The following CNTLN variants were observed in gnomAD, a reference collection of about 807,000 sequenced individuals.
CNTLN encodes centlein.
Under a neutral mutation model 180.0 loss-of-function variants are expected in CNTLN, and 212 were observed. The observed-to-expected ratio is 1.18, with a 90% confidence interval of 1.05 to 1.32. The LOEUF (loss-of-function observed/expected upper bound fraction) is 1.32. Among genes scored for constraint, CNTLN ranks in the 40% most tolerant of loss-of-function variants. The pLI, the probability that CNTLN is intolerant of heterozygous loss-of-function variation, is 0.00. For missense variants in CNTLN, 2,095 were observed against 1,610.9 expected, an observed-to-expected ratio of 1.30 and a Z score of -5.14; for synonymous variants, 722 against 563.1, an observed-to-expected ratio of 1.28 and a Z score of -3.99.
chr9:17,342,942 C>T (rs1486874026), intron 12 of CNTLN, among the ~76,000 whole-genome samples: 1 of 152,204 alleles, frequency 6.6e-6, no homozygotes, highest in Non-Finnish European at 1.5e-5. Flanking sequence ...TTACTGGTAG[C>T]AGCAGAACTG....
intron 8 of CNTLN, among the ~76,000 whole-genome samples, chr9:17,315,334 G>A (rs2132980468): frequency 6.6e-6 from 1 of 152,160 alleles, no homozygotes; most frequent in East Asian, 1.9e-4. Context: ...TTTGTATTGA[G>A]AAGGCATGTC....
chr9:17,502,427 T>G, intron 25 of CNTLN, 124 bp from the exon 26 acceptor site: 1 of 505,328 alleles, frequency 2.0e-6, no homozygotes. Flanking sequence ...AGAGATCCAG[T>G]AGGGTACCAT....
chr9:17,329,937 A>G (rs940415687), intron 8 of CNTLN, among the ~76,000 whole-genome samples: 3 of 151,978 alleles, frequency 2.0e-5, no homozygotes, highest in Admixed American at 1.3e-4. Context: ...AATTTGAAAC[A>G]GCGAATTTGC....
downstream of CNTLN, among the ~76,000 whole-genome samples, chr9:17,504,364 C>G (rs117231803): frequency 0.015 from 2,304 of 152,118 alleles, 25 homozygotes; most frequent in Non-Finnish European, 0.023. Flanking sequence ...AATGTAATAC[C>G]TCATTACGAC....
chr9:17,463,096 TA>T (rs1257568287), intron 20 of CNTLN, 83 bp downstream of exon 20: 34 of 745,256 alleles, frequency 4.6e-5, no homozygotes, highest in Non-Finnish European at 7.3e-5. Flanking sequence ...AAGAAACTGC[TA>T]ATGTTTACGT....
At chr9:17,520,914 A>T in the CNTLN span, among the ~76,000 whole-genome samples, 1 of 152,212 alleles carries the variant, frequency 6.6e-6, no homozygotes, top group Non-Finnish European at 1.5e-5. Flanking sequence ...TTTTGTCTTC[A>T]TCAAGAAAAT....
chr9:17,218,093 G>A (rs1823883849), intron 2 of CNTLN, among the ~76,000 whole-genome samples: 1 of 152,086 alleles, frequency 6.6e-6, no homozygotes, highest in African/African-American at 2.4e-5. Flanking sequence ...GGAAAAAAAT[G>A]TCCATCATTT....
intron 2 of CNTLN, among the ~76,000 whole-genome samples, chr9:17,151,606 T>C (rs568326003): frequency 1.3e-5 from 2 of 152,230 alleles, no homozygotes; most frequent in South Asian, 2.1e-4. Flanking sequence ...ATCAGGGATA[T>C]TGGCCTGAAA....
intron 6 of CNTLN, among the ~76,000 whole-genome samples, chr9:17,285,265 T>G (rs1371487338): frequency 6.6e-6 from 1 of 150,566 alleles, no homozygotes; most frequent in African/African-American, 2.4e-5. Context: ...TTTGGTTTTT[T>G]GTTCTTGTGA....
intron 15 of CNTLN, among the ~76,000 whole-genome samples, chr9:17,402,256 G>A (rs929618711): frequency 4.0e-5 from 6 of 151,808 alleles, no homozygotes; most frequent in Admixed American, 1.3e-4. Flanking sequence ...GGAAGGCATA[G>A]CCAAAATCTC....
At chr9:17,198,128 T>G (rs1235853644) in intron 2 of CNTLN, among the ~76,000 whole-genome samples, 1 of 152,210 alleles carries the variant, frequency 6.6e-6, no homozygotes, top group Non-Finnish European at 1.5e-5. Flanking sequence ...ATGTTTTGGT[T>G]ACTATAGCTT....
intron 5 of CNTLN, among the ~76,000 whole-genome samples, chr9:17,257,660 A>G (rs1005747297): frequency 1.3e-5 from 2 of 151,362 alleles, no homozygotes; most frequent in African/African-American, 4.9e-5. Flanking sequence ...CTTTTTAATG[A>G]TCACCATTCT....
At chr9:17,357,070 C>A (rs1822906889) in intron 12 of CNTLN, among the ~76,000 whole-genome samples, 1 of 152,002 alleles carries the variant, frequency 6.6e-6, no homozygotes, top group East Asian at 1.9e-4. Flanking sequence ...TATGGATTTG[C>A]CTATTCTAGG....
intron 18 of CNTLN, among the ~76,000 whole-genome samples, chr9:17,430,150 T>C (rs202100897): frequency 6.6e-6 from 1 of 152,102 alleles, no homozygotes; most frequent in East Asian, 1.9e-4. Flanking sequence ...CTTTTAAATG[T>C]AACTAATATA....
chr9:17,239,841 G>A (rs1825380706), intron 5 of CNTLN, among the ~76,000 whole-genome samples: 2 of 152,082 alleles, frequency 1.3e-5, no homozygotes, highest in South Asian at 4.1e-4. Flanking sequence ...CTGCCCTCCT[G>A]TCTATGCCAC....
intron 2 of CNTLN, among the ~76,000 whole-genome samples, chr9:17,212,341 A>G (rs1489021621): frequency 3.3e-5 from 5 of 152,152 alleles, no homozygotes; most frequent in African/African-American, 4.8e-5. Context: ...GGTTCTGTTT[A>G]TATGCTGGAT....
chr9:17,322,118 T>C (rs2133046207), intron 8 of CNTLN, among the ~76,000 whole-genome samples: 1 of 152,250 alleles, frequency 6.6e-6, no homozygotes, highest in Admixed American at 6.5e-5. Context: ...CAGTAATTTA[T>C]ATTTTTAATT....
At chr9:17,281,606 G>T (rs1188124320) in intron 6 of CNTLN, among the ~76,000 whole-genome samples, 2 of 152,098 alleles carry the variant, frequency 1.3e-5, no homozygotes, top group African/African-American at 4.8e-5. Flanking sequence ...TCCCTGCAAA[G>T]GACATCATCT....
Position 17,282,893 on chromosome 9 carries a change from G to A in CNTLN, c.983+9027G>A, listed in dbSNP as rs555462565. On this transcript the variant is annotated intron_variant, in intron 6 of 25. Transcript: ENST00000380647. Reference sequence around the variant, plus strand: ...TGTCAGGTTTGTCAAAGATCAGATGGTTGTAGATGTGCGGTCTTATTTCTG... The same window carrying A: ...TGTCAGGTTTGTCAAAGATCAGATGATTGTAGATGTGCGGTCTTATTTCTG... 3.9e-5 allele frequency among the ~76,000 whole-genome samples: 6 copies of A among 152,186 alleles called. No homozygotes were observed. The East Asian group carries it at 9.7e-4, about 25-fold the overall frequency.
Sources: gnomAD v4.1 joint callset for allele counts (sites outside exome capture counted in the v4.1 genomes callset) on GRCh38, gnomAD v4.1.1 for gene constraint, MANE v1.5 for transcripts, NCBI Gene and HGNC (gene_info 2026-07-23, HGNC 2026-07-21) for gene names.